Variants in MXRA5 observed in about 807,000 individuals in gnomAD.
The protein encoded by MXRA5 is matrix-remodeling-associated protein 5.
In MXRA5, 41 loss-of-function variants were observed where a neutral mutation model predicts 112.5. The observed-to-expected ratio is 0.36, with a 90% CI of 0.28 to 0.47. MXRA5 has a LOEUF of 0.47. MXRA5 is among the 20% of genes least tolerant of loss of function. The probability of loss-of-function intolerance (pLI) is 0.99; values close to 1 mark genes in which losing one functional copy is unlikely to be tolerated. For missense variants in MXRA5, 2,150 were observed against 2,251.0 expected, an observed-to-expected ratio of 0.96 and a Z score of 0.91; for synonymous variants, 862 against 900.8, an observed-to-expected ratio of 0.96 and a Z score of 0.77.
At chrX:3,311,675 G>A in intron 6 of MXRA5, 51 bp from the exon 7 acceptor site, 2 of 1,053,730 alleles carry the variant, frequency 1.9e-6, no homozygotes, top group Non-Finnish European at 2.6e-6. Context: ...AAATGCTCTA[G>A]TGTGGCATTA....
Position 3,317,746 on chromosome X carries a change from CTGGGGTCCCTT to C in MXRA5, c.5924_5934del (p.Lys1975SerfsTer10). The stretch of plus-strand genomic sequence containing the variant: ...GGGAAGATCCAGGAAATTTGGGGGG[CTGGGGTCCCTT>C]TGGCCAGACACTCCATTGCAATGGT... On this transcript the variant is annotated frameshift_variant, in exon 6 of 7. Coordinates refer to ENST00000217939, the MANE Select transcript of MXRA5 (RefSeq NM_015419.4). LOFTEE classifies it high-confidence loss of function. 8.3e-7 allele frequency: 1 copy of C among 1,207,998 alleles called. No homozygotes were observed. The highest frequency in any genetic ancestry group is 1.8e-5 in the South Asian group (1 of 56,376).
rs1200536465 is a variant in MXRA5, at chrX:3,308,769, T to A, written c.*947A>T. On this transcript the variant is annotated 3_prime_UTR_variant, in exon 7 of 7. Transcript: ENST00000217939. Reference sequence around the variant, plus strand: ...GGGCTTTTCGGGGAAGACTCTAGATTCAATTCTGTAAAGTTATGATGCAGT... The same window carrying A: ...GGGCTTTTCGGGGAAGACTCTAGATACAATTCTGTAAAGTTATGATGCAGT... 1 of 110,986 alleles carries A rather than the reference T, an allele frequency of 9.0e-6. No homozygotes were observed. The highest frequency in any genetic ancestry group is 1.9e-5 in the Non-Finnish European group (1 of 53,026). 9.1% of individuals were successfully genotyped at this position (110,986 alleles called of 1,213,427 possible).
chrX:3,328,941 C>T (rs1302014794), intron 4 of MXRA5, among the ~76,000 whole-genome samples: 1 of 68,756 alleles, frequency 1.5e-5, no homozygotes, highest in Non-Finnish European at 2.7e-5. Context: ...AAGGAAGGAG[C>T]GAGGGAGGGA....
chrX:3,338,048 C>T (rs1032998721), intron 2 of MXRA5, among the ~76,000 whole-genome samples: 5 of 111,250 alleles, frequency 4.5e-5, no homozygotes, highest in Middle Eastern at 4.6e-3. Context: ...CCATGATGCA[C>T]GTTCAGGGGA....
rs1921158717 is a variant in MXRA5, at chrX:3,317,144, G to C, written c.6537C>G (p.Leu2179=). ...SASGDPWPRI[L]WRLPSKRMID... ...TCATCCTCTTGGACGGCAGCCTCCAGAGGATGCGCGGCCAGGGGTCCCCCG... is the reference window on the plus strand; with the variant it reads ...TCATCCTCTTGGACGGCAGCCTCCACAGGATGCGCGGCCAGGGGTCCCCCG... The change falls in exon 6 of 7, where the codon CTC becomes CTG. Residue 2179 remains leucine (L), a synonymous_variant. Transcript: ENST00000217939. 8.4e-7 allele frequency: 1 copy of C among 1,195,735 alleles called. No individual in the cohort carries two copies. Among genetic ancestry groups the C allele is most frequent in the African/African-American group, 1.7e-5 (1 of 57,686 alleles).
rs1434136252 is a variant in MXRA5, at chrX:3,310,890, T to C, written c.7313A>G (p.Gln2438Arg). ...GGGGTTACCGTTGATCTTGGGTGGCTGGACGTTGACGTGAATCCACACCGT... is the reference window on the plus strand; with the variant it reads ...GGGGTTACCGTTGATCTTGGGTGGCCGGACGTTGACGTGAATCCACACCGT... Reference protein sequence around the residue: ...RKTVWIHVNVQPPKINGNPNP... With the variant: ...RKTVWIHVNVRPPKINGNPNP... Residue 2438 changes from glutamine to arginine, a missense_variant, in exon 7 of 7, where the codon CAG (glutamine) becomes CGG (arginine). Coordinates refer to ENST00000217939, the MANE Select transcript of MXRA5 (RefSeq NM_015419.4). The C allele has an allele frequency of 8.3e-7, 1 of 1,211,551 alleles. No individual in the cohort carries two copies. Among genetic ancestry groups the C allele is most frequent in the Admixed American group, 2.2e-5 (1 of 46,076 alleles).
At chrX:3,338,683 G>C (rs1473091200) in intron 2 of MXRA5, among the ~76,000 whole-genome samples, 1 of 110,370 alleles carries the variant, frequency 9.1e-6, no homozygotes, top group Non-Finnish European at 1.9e-5. Context: ...TAATGATAGA[G>C]ATCAATGATA....
In MXRA5 at chrX:3,311,115, A is replaced by G. The variant is rs758456728; in HGVS notation, c.7088T>C (p.Val2363Ala). The stretch of plus-strand genomic sequence containing the variant: ...TTTGGCCTCACAGGCTACAGTGACC[A>G]CGTCTCCATAGGGCACCTGAACCGC... ...YLAVQVPYGD[V>A]VTVACEAKGE... Residue 2363 changes from valine (V) to alanine (A), a missense_variant, in exon 7 of 7, where the codon GTG (valine) becomes GCG (alanine). Val to Ala is a moderately conservative substitution (Grantham distance 64, BLOSUM62 0). Around this residue, in one of 6 missense-constraint regions of MXRA5, gnomAD observed 1,485 missense variants for 1,471.6 expected, o/e 1.01. Transcript: ENST00000217939. 1 of 1,211,546 alleles carries G rather than the reference A, an allele frequency of 8.3e-7. No homozygotes were observed. Among genetic ancestry groups the G allele is most frequent in the East Asian group, 3.0e-5 (1 of 33,811 alleles).
In MXRA5 at chrX:3,321,891, T is replaced by G. The variant is rs1216179750; in HGVS notation, c.3794A>C (p.His1265Pro). 3.3e-6 allele frequency: 4 copies of G among 1,209,249 alleles called. No individual in the cohort carries two copies. The Admixed American group carries it at 8.8e-5, about 26-fold the overall frequency. The change falls in exon 5 of 7, where the codon CAT (histidine) becomes CCT (proline). Residue 1265 changes from histidine (H) to proline (P), a missense_variant. Around this residue, in one of 6 missense-constraint regions of MXRA5, gnomAD observed 1,485 missense variants for 1,471.6 expected, o/e 1.01. Transcript: ENST00000217939. ...TGAACTGGGAGTAACAATGTTTCTA[T>G]GTTTATTTTCTGGAGAAGGGCTGGG... ...SKPSPSPENKHRNIVTPSSET... is the reference protein window; with the variant it reads ...SKPSPSPENKPRNIVTPSSET...
chrX:3,315,391 TGATA>T lies in MXRA5; in HGVS notation c.6578+1708_6578+1711del, dbSNP rs111904144. On this transcript the variant is annotated intron_variant, in intron 6 of 6. Coordinates refer to ENST00000217939, the MANE Select transcript of MXRA5 (RefSeq NM_015419.4). ...TAGATAGAATAGATAGATAGATAGA[TGATA>T]GATAGATAGATAGATAGATAGATAG... 6.9e-4 allele frequency among the ~76,000 whole-genome samples: 39 copies of T among 56,737 alleles called. 2 individuals are homozygous for T. Among genetic ancestry groups the T allele is most frequent in the Admixed American group, 2.4e-3 (12 of 5,102 alleles). 49.3% of individuals were successfully genotyped at this position (56,737 alleles called of 115,157 possible). A position where few individuals can be genotyped will look rare whatever the true frequency, so the allele number is the denominator to read the frequency against.
In MXRA5 at chrX:3,317,115, T is replaced by C; in HGVS notation, c.6566A>G (p.Asp2189Gly). The C allele has an allele frequency of 8.6e-7, 1 of 1,168,391 alleles. No individual in the cohort carries two copies. Among genetic ancestry groups the C allele is most frequent in the African/African-American group, 1.8e-5 (1 of 56,981 alleles). Residue 2189 changes from aspartate (D) to glycine (G), a missense_variant, in exon 6 of 7, where the codon GAC (aspartate) becomes GGC (glycine). By Grantham distance (94) the Asp-to-Gly change is moderately conservative. This residue lies in a region of MXRA5 where 1,485 missense variants were observed against 1,471.6 expected (regional missense o/e 1.01). Transcript: ENST00000217939. The stretch of plus-strand genomic sequence containing the variant: ...CAGAGCTGCCTACCTGAAGAGCGCG[T>C]CGATCATCCTCTTGGACGGCAGCCT... ...LWRLPSKRMI[D>G]ALFSFDSRIK...
chrX:3,316,086 C>T lies in MXRA5; in HGVS notation c.6578+1017G>A, dbSNP rs1314985249. ...AAAAAGCACACACTGGGGCCGGGCG[C>T]GGCGGATCAGGAGGTCAGGAGATCG... On this transcript the variant is annotated intron_variant, in intron 6 of 6. Coordinates refer to ENST00000217939, the MANE Select transcript of MXRA5 (RefSeq NM_015419.4). 1.6e-4 allele frequency among the ~76,000 whole-genome samples: 3 copies of T among 19,244 alleles called. 1 individual carries two copies. Among genetic ancestry groups the T allele is most frequent in the Non-Finnish European group, 2.9e-4 (3 of 10,191 alleles). The allele number at this position is 19,244 out of a possible 115,157, so 16.7% of individuals were successfully genotyped here.
intron 6 of MXRA5, among the ~76,000 whole-genome samples, chrX:3,312,849 C>T (rs1411629262): frequency 8.9e-6 from 1 of 111,887 alleles, no homozygotes; most frequent in East Asian, 2.8e-4. Flanking sequence ...GGATTACAGG[C>T]ATGAGCCACC....
At chrX:3,316,083 G>GTGCGGCGGCTCA (rs1569181544) in intron 6 of MXRA5, among the ~76,000 whole-genome samples, 1,676 of 35,179 alleles carry the variant, frequency 0.048, 160 homozygotes, top group African/African-American at 0.24. Context: ...CTGGGGCCGG[G>GTGCGGCGGCTCA]CGCGGCGGAT....
At chrX:3,342,516 A>G (rs1922013263) in intron 2 of MXRA5, among the ~76,000 whole-genome samples, 1 of 112,341 alleles carries the variant, frequency 8.9e-6, no homozygotes, top group Non-Finnish European at 1.9e-5. Flanking sequence ...GCCAACGCCA[A>G]GCTGTTTTCC....
chrX:3,341,058 T>TATATA, intron 2 of MXRA5, among the ~76,000 whole-genome samples: 1 of 71,590 alleles, frequency 1.4e-5, no homozygotes, highest in Admixed American at 2.2e-4. Flanking sequence ...TAATATATAT[T>TATATA]ATATATTATA....
At chrX:3,328,153 T>G (rs748426367) in intron 4 of MXRA5, among the ~76,000 whole-genome samples, 12 of 112,496 alleles carry the variant, frequency 1.1e-4, no homozygotes, top group African/African-American at 3.9e-4. Context: ...TTAAGACCAT[T>G]CACAAGTGGG....
At position 3,321,492 on chromosome X, in the gene MXRA5, G is replaced by T; in HGVS notation, c.4193C>A (p.Thr1398Asn). Residue 1398 changes from threonine to asparagine, a missense_variant, in exon 5 of 7, where the codon ACC (threonine) becomes AAC (asparagine). Thr to Asn is a moderately conservative substitution (Grantham distance 65, BLOSUM62 0). Coordinates refer to ENST00000217939, the MANE Select transcript of MXRA5 (RefSeq NM_015419.4). ...GTCTGTAAGATTTTCCCCAGAAGTG[G>T]TAACAGGTATGCCTGTCTGTAGCCT... Reference protein sequence around the residue: ...PGRLQTGIPVTTSGENLTDPP... With the variant: ...PGRLQTGIPVNTSGENLTDPP... 1.7e-6 allele frequency: 2 copies of T among 1,211,231 alleles called. No homozygotes were observed. The highest frequency in any genetic ancestry group is 2.2e-6 in the Non-Finnish European group (2 of 895,192).
chrX:3,330,544 C>A, intron 3 of MXRA5, 100 bp downstream of exon 3: 1 of 1,125,808 alleles, frequency 8.9e-7, no homozygotes, highest in Non-Finnish European at 1.2e-6. Context: ...CAAACAATAG[C>A]CGTTTTATTG....
Sources: gnomAD v4.1 joint callset for allele counts (sites outside exome capture counted in the v4.1 genomes callset) on GRCh38, gnomAD v4.1.1 for gene constraint, gnomAD v4.1.1 regional missense constraint, MANE v1.5 for transcripts, NCBI Gene and HGNC (gene_info 2026-07-23, HGNC 2026-07-21) for gene names.